The following PKP4 variants were observed in gnomAD, a reference collection of about 807,000 sequenced individuals.
PKP4 encodes plakophilin 4, also known as plakophilin-4.
A neutral mutation model predicts 145.1 loss-of-function variants in PKP4; 90 were observed. That is an observed-to-expected ratio of 0.62 (90% confidence interval 0.52 to 0.74). The LOEUF is 0.74. PKP4 is among the 30% of genes least tolerant of loss of function. The pLI, the probability that PKP4 is intolerant of heterozygous loss-of-function variation, is 0.00. For synonymous variants in PKP4, 563 were observed against 577.2 expected, an observed-to-expected ratio of 0.98 and a Z score of 0.35; for missense variants, 1,340 against 1,482.7, an observed-to-expected ratio of 0.90 and a Z score of 1.58.
At chr2:158,589,393 C>T (rs991828116) in intron 3 of PKP4, among the ~76,000 whole-genome samples, 4 of 152,080 alleles carry the variant, frequency 2.6e-5, no homozygotes, top group African/African-American at 9.7e-5. Context: ...TTCAGTACTC[C>T]ATTTACCTCC....
intron 2 of PKP4, among the ~76,000 whole-genome samples, chr2:158,567,831 G>A (rs1390751330): frequency 6.6e-6 from 1 of 152,176 alleles, no homozygotes; most frequent in Non-Finnish European, 1.5e-5. Context: ...TAGTGAGGAA[G>A]GAAATGGATT....
intron 4 of PKP4, among the ~76,000 whole-genome samples, chr2:158,611,811 G>T (rs1432914875): frequency 1.3e-5 from 2 of 151,970 alleles, no homozygotes; most frequent in Admixed American, 1.3e-4. Flanking sequence ...ATTTCTTCCT[G>T]TTTCTCTTCT....
At chr2:158,515,173 A>G (rs926015350) in intron 1 of PKP4, among the ~76,000 whole-genome samples, 1 of 152,256 alleles carries the variant, frequency 6.6e-6, no homozygotes, top group African/African-American at 2.4e-5. Context: ...CTGTGCAACC[A>G]AAGTACCAGA....
chr2:158,663,453 G>T lies in PKP4; in HGVS notation c.2577+8G>T. 1 of 1,602,094 alleles carries T rather than the reference G, an allele frequency of 6.2e-7. No individual in the cohort carries two copies. The highest frequency in any genetic ancestry group is 1.1e-5 in the South Asian group (1 of 90,128). On this transcript the variant is annotated splice_region_variant and intron_variant, in intron 15 of 21. Transcript: ENST00000389759. ...TCTGCTGGCAACTGGAAGGTAGGATGACTTCCACTTATCTACACTTCTTTC... is the reference window on the plus strand; with the variant it reads ...TCTGCTGGCAACTGGAAGGTAGGATTACTTCCACTTATCTACACTTCTTTC...
chr2:158,474,837 T>C (rs1205040805), intron 1 of PKP4, among the ~76,000 whole-genome samples: 1 of 152,184 alleles, frequency 6.6e-6, no homozygotes, highest in Non-Finnish European at 1.5e-5. Context: ...GGGAGGTCCA[T>C]GTAGAAGAGC....
At chr2:158,617,478 C>T (rs953700777) in intron 4 of PKP4, among the ~76,000 whole-genome samples, 4 of 152,156 alleles carry the variant, frequency 2.6e-5, no homozygotes, top group African/African-American at 9.7e-5. Context: ...TTATAGGTTA[C>T]AGCATTCATC....
intron 3 of PKP4, among the ~76,000 whole-genome samples, chr2:158,598,947 A>G (rs976306683): frequency 2.6e-5 from 4 of 152,160 alleles, no homozygotes; most frequent in African/African-American, 9.7e-5. Flanking sequence ...CCCTAAAAAT[A>G]GCAGTGGAAG....
intron 11 of PKP4, among the ~76,000 whole-genome samples, chr2:158,645,223 T>C (rs192732910): frequency 1.3e-3 from 202 of 152,364 alleles, no homozygotes; most frequent in African/African-American, 4.0e-3. Context: ...ACTCCCACTT[T>C]CTAAAATGCT....
At chr2:158,478,110 G>A (rs1024547268) in intron 1 of PKP4, among the ~76,000 whole-genome samples, 1 of 152,200 alleles carries the variant, frequency 6.6e-6, no homozygotes, top group East Asian at 1.9e-4. Context: ...TTGAAAGGGT[G>A]TGGTTTGAAG....
chr2:158,572,099 C>G (rs563041015), intron 2 of PKP4, among the ~76,000 whole-genome samples: 88 of 152,136 alleles, frequency 5.8e-4, no homozygotes, highest in African/African-American at 2.0e-3. Context: ...AGATTTCACA[C>G]CCAATGACCA....
At chr2:158,467,195 G>A (rs1690758420) in intron 1 of PKP4, among the ~76,000 whole-genome samples, 1 of 152,072 alleles carries the variant, frequency 6.6e-6, no homozygotes, top group Non-Finnish European at 1.5e-5. Context: ...AAAATTTACA[G>A]AAGGAAAGAT....
At chr2:158,501,705 C>A (rs1317564161) in intron 1 of PKP4, among the ~76,000 whole-genome samples, 2 of 152,202 alleles carry the variant, frequency 1.3e-5, no homozygotes, top group Non-Finnish European at 2.9e-5. Context: ...TGAGGGCACA[C>A]CAAATTTCAC....
chr2:158,458,769 C>T (rs1169190194), intron 1 of PKP4, among the ~76,000 whole-genome samples: 2 of 152,002 alleles, frequency 1.3e-5, no homozygotes, highest in Non-Finnish European at 2.9e-5. Context: ...AACAGAGAAG[C>T]ACTGTTCGGT....
chr2:158,558,652 G>C (rs2105729213), intron 2 of PKP4, among the ~76,000 whole-genome samples: 1 of 152,242 alleles, frequency 6.6e-6, no homozygotes, highest in Middle Eastern at 3.4e-3. Flanking sequence ...CTGAATAAGT[G>C]GAGAGCCCTT....
intron 16 of PKP4, among the ~76,000 whole-genome samples, chr2:158,667,551 C>T (rs2057213003): frequency 6.6e-6 from 1 of 152,142 alleles, no homozygotes; most frequent in African/African-American, 2.4e-5. Context: ...TAAAATACAC[C>T]TGCCATGAGA....
intron 1 of PKP4, among the ~76,000 whole-genome samples, chr2:158,489,083 A>C (rs1013700691): frequency 1.4e-4 from 21 of 152,206 alleles, no homozygotes; most frequent in Admixed American, 8.5e-4. Context: ...CATTCTCTAC[A>C]TCCAGAAATC....
At chr2:158,547,960 T>A (rs934237921) in intron 2 of PKP4, among the ~76,000 whole-genome samples, 12 of 152,224 alleles carry the variant, frequency 7.9e-5, no homozygotes, top group African/African-American at 2.9e-4. Context: ...TGAGGCTGGG[T>A]GAAGCTGTTG....
intron 3 of PKP4, among the ~76,000 whole-genome samples, chr2:158,580,469 G>A (rs2048241044): frequency 1.3e-5 from 2 of 152,202 alleles, no homozygotes; most frequent in Non-Finnish European, 2.9e-5. Context: ...GAGGCTCAGT[G>A]TCTAGGATAT....
chr2:158,661,502 C>G (rs748736302), intron 13 of PKP4, 52 bp downstream of exon 13: 1 of 1,124,288 alleles, frequency 8.9e-7, no homozygotes, highest in South Asian at 1.2e-5. Flanking sequence ...ACCATGATGC[C>G]TGGTGCCACT....
Sources: gnomAD v4.1 joint callset for allele counts (sites outside exome capture counted in the v4.1 genomes callset) on GRCh38, gnomAD v4.1.1 for gene constraint, MANE v1.5 for transcripts, NCBI Gene and HGNC (gene_info 2026-07-23, HGNC 2026-07-21) for gene names.